The following DIPK2B variants were observed in gnomAD, a reference collection of about 807,000 sequenced individuals.
DIPK2B encodes the protein UPF0672 protein CXorf36.
A neutral mutation model predicts 22.2 loss-of-function variants in DIPK2B; 15 were observed. That is an observed-to-expected ratio of 0.68 (90% confidence interval 0.45 to 1.04). The LOEUF is 1.04. DIPK2B is among the 50% of genes least tolerant of loss of function. The pLI, the probability that DIPK2B is intolerant of heterozygous loss-of-function variation, is 0.00. For synonymous variants in DIPK2B, 163 were observed against 153.2 expected, an observed-to-expected ratio of 1.06 and a Z score of -0.47; for missense variants, 345 against 348.3, an observed-to-expected ratio of 0.99 and a Z score of 0.08.
chrX:45,190,999 G>C (rs1312820246), intron 2 of DIPK2B, among the ~76,000 whole-genome samples: 1 of 112,750 alleles, frequency 8.9e-6, no homozygotes, highest in Non-Finnish European at 1.9e-5. Context: ...TTCCTGGCCG[G>C]GCGTGGTGGC....
chrX:45,152,169 C>A (rs991347011), intron 4 of DIPK2B, among the ~76,000 whole-genome samples, 177 bp from the exon 5 acceptor site: 22 of 111,150 alleles, frequency 2.0e-4, no homozygotes, highest in Non-Finnish European at 3.6e-4. Context: ...GCCAGCCTGG[C>A]CAATATGGTG....
intron 1 of DIPK2B, among the ~76,000 whole-genome samples, chrX:45,195,273 G>A (rs939211900): frequency 7.2e-5 from 8 of 111,061 alleles, no homozygotes; most frequent in Admixed American, 6.7e-4. Flanking sequence ...GAGATCATGG[G>A]CCTGACTGAA....
rs2046948505 is a variant in DIPK2B at position 45,149,204 on chromosome X, T to A, written c.*2448A>T. 1 of 112,684 alleles carries A rather than the reference T, an allele frequency of 8.9e-6. No individual in the cohort carries two copies. Among genetic ancestry groups the A allele is most frequent in the African/African-American group, 3.2e-5 (1 of 30,914 alleles). 9.3% of individuals were successfully genotyped at this position (112,684 alleles called of 1,213,427 possible). On this transcript the variant is annotated 3_prime_UTR_variant, in exon 5 of 5. Transcript: ENST00000398000. ...GCAGGGAGAAGGGCTGGGGCCTGGC[T>A]CATGCATCAGAGGGTCTCTCTGGTA... is the stretch of plus-strand genomic sequence containing the variant.
chrX:45,187,644 CG>C (rs1248243020), intron 2 of DIPK2B, among the ~76,000 whole-genome samples: 5 of 111,550 alleles, frequency 4.5e-5, no homozygotes, highest in Non-Finnish European at 7.5e-5. Context: ...GAGGGGAGCC[CG>C]GGACTCCCTG....
intron 2 of DIPK2B, among the ~76,000 whole-genome samples, chrX:45,184,809 G>A (rs967226351): frequency 1.8e-5 from 2 of 112,118 alleles, no homozygotes; most frequent in Non-Finnish European, 3.8e-5. Flanking sequence ...ATTTGGCAAA[G>A]GCTAAATCAT....
chrX:45,161,719 T>C (rs1328641532), intron 2 of DIPK2B, among the ~76,000 whole-genome samples: 1 of 111,929 alleles, frequency 8.9e-6, no homozygotes, highest in Non-Finnish European at 1.9e-5. Flanking sequence ...AAGATATTTG[T>C]TGGTAGCAGA....
At chrX:45,164,983 G>T (rs1479372547) in intron 2 of DIPK2B, among the ~76,000 whole-genome samples, 1 of 111,096 alleles carries the variant, frequency 9.0e-6, no homozygotes, top group African/African-American at 3.3e-5. Context: ...AAGATGGGGG[G>T]ACAAGCCTGT....
chrX:45,153,858 G>C lies in DIPK2B; in HGVS notation c.961+52C>G, dbSNP rs770877997. The C allele has an allele frequency of 5.3e-6, 6 of 1,132,722 alleles. No individual in the cohort carries two copies. In the South Asian group the frequency reaches 1.2e-4, roughly 23 times the overall value. 93.3% of individuals were successfully genotyped at this position (1,132,722 alleles called of 1,213,427 possible). ...CCCTGGCCACCCCTCCCTAGCTCCTGTCACCCTGACTTTCCCTCTGACAGC... is the reference window on the plus strand; with the variant it reads ...CCCTGGCCACCCCTCCCTAGCTCCTCTCACCCTGACTTTCCCTCTGACAGC... On this transcript the variant is annotated intron_variant, in intron 4 of 4. Transcript: ENST00000398000.
At chrX:45,172,108 A>C (rs1254468068) in intron 2 of DIPK2B, among the ~76,000 whole-genome samples, 1 of 112,321 alleles carries the variant, frequency 8.9e-6, no homozygotes, top group Non-Finnish European at 1.9e-5. Flanking sequence ...AAAAGGGAGC[A>C]GAGATGAGAA....
At position 45,190,084 on chromosome X, in the gene DIPK2B, A is replaced by G. The variant is rs147011036; in HGVS notation, c.498+1667T>C. ...AATTAAAGAAAGGGATTCACTTATT[A>G]TGAGAATACTGCTGTGCATTTCTAT... On this transcript the variant is annotated intron_variant, in intron 2 of 4. Transcript: ENST00000398000. Among the ~76,000 whole-genome samples, 595 of 112,493 alleles carry G rather than the reference A, an allele frequency of 5.3e-3. 7 individuals carry two copies. The highest frequency in any genetic ancestry group is 0.018 in the African/African-American group (567 of 30,988).
At chrX:45,159,375 A>G (rs1256218119) in intron 2 of DIPK2B, among the ~76,000 whole-genome samples, 1 of 111,983 alleles carries the variant, frequency 8.9e-6, no homozygotes, top group Non-Finnish European at 1.9e-5. Flanking sequence ...AGATGGTAAT[A>G]CTGAGATGTA....
intron 2 of DIPK2B, chrX:45,163,446 T>A: frequency 2.7e-6 from 2 of 753,922 alleles, no homozygotes; most frequent in Non-Finnish European, 3.1e-6. Context: ...GAAATCTAGA[T>A]TTGCTTTCAT....
intron 1 of DIPK2B, among the ~76,000 whole-genome samples, chrX:45,193,320 A>T (rs2047222057): frequency 8.9e-6 from 1 of 112,451 alleles, no homozygotes; most frequent in Non-Finnish European, 1.9e-5. Context: ...AAATAAGAAT[A>T]TTTAAATTCT....
intron 2 of DIPK2B, among the ~76,000 whole-genome samples, chrX:45,184,857 T>C (rs1357910742): frequency 8.9e-6 from 1 of 112,326 alleles, no homozygotes; most frequent in Admixed American, 9.5e-5. Context: ...ATTGTTATTA[T>C]CCTGATATTA....
Position 45,151,933 on chromosome X carries a change from C to T in DIPK2B, c.1021G>A (p.Gly341Ser). 9.2e-6 allele frequency: 11 copies of T among 1,199,984 alleles called. No individual in the cohort carries two copies. The highest frequency in any genetic ancestry group is 3.0e-5 in the East Asian group (1 of 33,325). The change falls in exon 5 of 5, where the codon GGC (glycine) becomes AGC (serine). Residue 341 changes from glycine (G) to serine (S), a missense_variant. Gly to Ser is a moderately conservative substitution (Grantham distance 56, BLOSUM62 0). Coordinates refer to ENST00000398000, the MANE Select transcript of DIPK2B (RefSeq NM_176819.4). ...NKDIFSCLVS[G>S]CQAQLPSCES... ...CAGGAGGGCAGCTGGGCCTGGCAGC[C>T]GGAAACCAGGCAGCTAAAAATGTCT...
intron 2 of DIPK2B, among the ~76,000 whole-genome samples, chrX:45,177,680 C>G (rs957110689): frequency 1.8e-5 from 2 of 110,941 alleles, no homozygotes; most frequent in South Asian, 7.6e-4. Context: ...GGCATTCCTT[C>G]GTAGCAATGC....
At chrX:45,162,386 C>T in intron 2 of DIPK2B, 1 of 754,339 alleles carries the variant, frequency 1.3e-6, no homozygotes. Flanking sequence ...AGGTTCTGAG[C>T]AACCTCTATA....
intron 2 of DIPK2B, chrX:45,163,019 T>C: frequency 1.5e-6 from 1 of 649,615 alleles, no homozygotes. Flanking sequence ...GGCTAGGCTG[T>C]ATTCCCCAGT....
chrX:45,163,944 C>T, intron 2 of DIPK2B: 2 of 930,919 alleles, frequency 2.1e-6, no homozygotes, highest in South Asian at 1.1e-4. Context: ...ATCTAGGGGA[C>T]CACAGTGTGG....
Sources: allele counts gnomAD v4.1 joint callset (sites outside exome capture counted in the v4.1 genomes callset), GRCh38; gene constraint gnomAD v4.1.1; transcripts MANE v1.5; gene names NCBI Gene and HGNC (gene_info 2026-07-23, HGNC 2026-07-21).